LRFN5: variants seen among roughly 807,000 people sequenced by gnomAD.
LRFN5 encodes leucine rich repeat and fibronectin type III domain containing 5, also known as leucine-rich repeat and fibronectin type-III domain-containing protein 5.
Under a neutral mutation model 45.6 loss-of-function variants are expected in LRFN5, and 24 were observed. The observed-to-expected ratio is 0.53, with a 90% CI of 0.38 to 0.74. The LOEUF (loss-of-function observed/expected upper bound fraction) is 0.74, where lower values mean the gene tolerates loss of function less well. LRFN5 is among the 30% of genes least tolerant of loss of function. The pLI, the probability that LRFN5 is intolerant of heterozygous loss-of-function variation, is 0.00. For missense variants in LRFN5, 776 were observed against 861.5 expected (o/e 0.90, Z 1.24); for synonymous variants, 340 against 313.8 (o/e 1.08, Z -0.88).
intron 1 of LRFN5, among the ~76,000 whole-genome samples, chr14:41,651,656 T>C (rs1880132374): frequency 6.6e-6 from 1 of 152,160 alleles, no homozygotes; most frequent in African/African-American, 2.4e-5. Flanking sequence ...TTAACACTTT[T>C]GTTGTGAAGT....
intron 1 of LRFN5, chr14:41,699,661 C>G (rs892869728): frequency 2.6e-5 from 4 of 152,080 alleles, no homozygotes; most frequent in Middle Eastern, 3.2e-3. Flanking sequence ...AATGCGTTTA[C>G]TCATCTGTTT....
intron 2 of LRFN5, among the ~76,000 whole-genome samples, chr14:41,772,847 T>C (rs1057325346): frequency 6.6e-6 from 1 of 152,206 alleles, no homozygotes; most frequent in African/African-American, 2.4e-5. Flanking sequence ...TCACCTAATC[T>C]GGTCAGTTTT....
intron 1 of LRFN5, among the ~76,000 whole-genome samples, chr14:41,671,539 T>A (rs1271474272): frequency 2.0e-5 from 3 of 151,724 alleles, no homozygotes; most frequent in Non-Finnish European, 4.4e-5. Flanking sequence ...AAATATTACT[T>A]CGTGGTATCA....
intron 2 of LRFN5, among the ~76,000 whole-genome samples, chr14:41,768,888 T>G (rs1000599130): frequency 6.6e-6 from 1 of 152,162 alleles, no homozygotes; most frequent in Non-Finnish European, 1.5e-5. Context: ...GGCCAAAAGA[T>G]TTTCTTAATT....
intron 1 of LRFN5, among the ~76,000 whole-genome samples, chr14:41,622,104 C>A (rs1594556945): frequency 6.6e-6 from 1 of 150,446 alleles, no homozygotes; most frequent in African/African-American, 2.4e-5. Flanking sequence ...TTCTTCTTGT[C>A]CTCTCTTTCT....
At chr14:41,639,198 T>C (rs1411590707) in intron 1 of LRFN5, among the ~76,000 whole-genome samples, 3 of 152,106 alleles carry the variant, frequency 2.0e-5, no homozygotes, top group African/African-American at 7.2e-5. Flanking sequence ...AGGAATCCAT[T>C]GTGTTTCTCT....
intron 1 of LRFN5, chr14:41,699,679 A>C (rs1882758205): frequency 6.6e-6 from 1 of 152,098 alleles, no homozygotes; most frequent in Non-Finnish European, 1.5e-5. Context: ...TTTATGTGAC[A>C]CTAACACTCC....
intron 2 of LRFN5, among the ~76,000 whole-genome samples, chr14:41,798,680 G>C (rs1887217883): frequency 6.6e-6 from 1 of 151,986 alleles, no homozygotes; most frequent in African/African-American, 2.4e-5. Context: ...TGTAATGACT[G>C]AATTCACTTT....
intron 2 of LRFN5, among the ~76,000 whole-genome samples, chr14:41,823,539 A>G (rs1265597203): frequency 1.3e-5 from 2 of 152,114 alleles, no homozygotes; most frequent in African/African-American, 4.8e-5. Flanking sequence ...TTTATTTTAT[A>G]GGTAATTACA....
At chr14:41,625,690 AAT>A (rs1365654551) in intron 1 of LRFN5, among the ~76,000 whole-genome samples, 3 of 152,152 alleles carry the variant, frequency 2.0e-5, no homozygotes, top group Non-Finnish European at 2.9e-5. Context: ...TCATTTCTAA[AAT>A]AGTCATATTT....
intron 1 of LRFN5, among the ~76,000 whole-genome samples, chr14:41,747,926 G>A (rs546856981): frequency 6.6e-6 from 1 of 152,086 alleles, no homozygotes; most frequent in Admixed American, 6.6e-5. Context: ...AACAGTTTTA[G>A]GAAAATGCAA....
chr14:41,710,383 A>G (rs1883231725), intron 1 of LRFN5, among the ~76,000 whole-genome samples: 1 of 152,130 alleles, frequency 6.6e-6, no homozygotes, highest in African/African-American at 2.4e-5. Context: ...AAAGCATTTA[A>G]CATATTTTTC....
intron 1 of LRFN5, among the ~76,000 whole-genome samples, chr14:41,678,505 G>A (rs1881739998): frequency 6.6e-6 from 1 of 151,882 alleles, no homozygotes; most frequent in Non-Finnish European, 1.5e-5. Context: ...GATCAACAAA[G>A]GAATAAAGAC....
intron 1 of LRFN5, among the ~76,000 whole-genome samples, chr14:41,694,413 A>G (rs1235219198): frequency 6.6e-6 from 1 of 151,926 alleles, no homozygotes; most frequent in Non-Finnish European, 1.5e-5. Context: ...TTTTGATACT[A>G]TATATAAATT....
At chr14:41,882,325 G>A (rs1890408651) in intron 2 of LRFN5, among the ~76,000 whole-genome samples, 1 of 152,136 alleles carries the variant, frequency 6.6e-6, no homozygotes, top group East Asian at 1.9e-4. Flanking sequence ...GCTGCCAAAT[G>A]TCACCCTACG....
intron 1 of LRFN5, chr14:41,700,503 T>C (rs999261012): frequency 6.6e-5 from 10 of 152,008 alleles, no homozygotes; most frequent in African/African-American, 2.4e-4. Flanking sequence ...AGCTTTTCCT[T>C]TTTTAAAAAC....
intron 2 of LRFN5, among the ~76,000 whole-genome samples, chr14:41,802,767 C>T (rs577516364): frequency 6.6e-6 from 1 of 151,656 alleles, no homozygotes; most frequent in African/African-American, 2.4e-5. Flanking sequence ...GCTTTAGGCT[C>T]CAAAAATATC....
intron 2 of LRFN5, among the ~76,000 whole-genome samples, chr14:41,884,114 A>G (rs916544252): frequency 6.6e-6 from 1 of 152,150 alleles, no homozygotes; most frequent in South Asian, 2.1e-4. Context: ...CTGCTCTCCA[A>G]TCTTTGTCTT....
intron 1 of LRFN5, among the ~76,000 whole-genome samples, chr14:41,673,604 G>A (rs189452330): frequency 0.019 from 2,597 of 140,054 alleles, 73 homozygotes; most frequent in African/African-American, 0.063. Context: ...CGGATGGGGC[G>A]GCTGGCCGGG....
Sources: allele counts gnomAD v4.1 joint callset (sites outside exome capture counted in the v4.1 genomes callset), GRCh38; gene constraint gnomAD v4.1.1; transcripts MANE v1.5; gene names NCBI Gene and HGNC (gene_info 2026-07-23, HGNC 2026-07-21).